Variants in CSMD1 observed in about 807,000 individuals in gnomAD.
The protein encoded by CSMD1 is CUB and sushi domain-containing protein 1.
Under a neutral mutation model 417.5 loss-of-function variants are expected in CSMD1, and 213 were observed. The ratio of observed to expected loss-of-function variants is 0.51; its 90% confidence interval spans 0.46 to 0.57. The LOEUF is 0.57. CSMD1 is among the 20% of genes least tolerant of loss of function. The pLI, the probability that CSMD1 is intolerant of heterozygous loss-of-function variation, is 0.00. For missense variants in CSMD1, 6,923 were observed against 4,529.7 expected, an observed-to-expected ratio of 1.53 and a Z score of -15.17; for synonymous variants, 2,862 against 1,736.8, an observed-to-expected ratio of 1.65 and a Z score of -16.11.
intron 3 of CSMD1, among the ~76,000 whole-genome samples, chr8:4,206,641 A>T (rs1303427871): frequency 6.6e-6 from 1 of 152,178 alleles, no homozygotes; most frequent in African/African-American, 2.4e-5. Context: ...GATGCAATAA[A>T]CGTATGTGTG....
At chr8:4,956,747 A>G (rs1809139359) in intron 1 of CSMD1, among the ~76,000 whole-genome samples, 1 of 152,170 alleles carries the variant, frequency 6.6e-6, no homozygotes, top group African/African-American at 2.4e-5. Flanking sequence ...AGAGGAAAAT[A>G]TTCCAGGGAA....
chr8:3,392,141 G>C (rs1292453463), intron 17 of CSMD1, among the ~76,000 whole-genome samples: 1 of 150,946 alleles, frequency 6.6e-6, no homozygotes, highest in Non-Finnish European at 1.5e-5. Flanking sequence ...AGCATTAGGA[G>C]ATATACCTAA....
chr8:3,185,876 C>T (rs541364712), intron 36 of CSMD1, among the ~76,000 whole-genome samples: 5 of 152,316 alleles, frequency 3.3e-5, no homozygotes, highest in East Asian at 3.9e-4. Context: ...AAATGAGCAA[C>T]ACAATTCAAT....
chr8:3,256,393 C>T (rs894402637), intron 26 of CSMD1, among the ~76,000 whole-genome samples: 1 of 151,802 alleles, frequency 6.6e-6, no homozygotes, highest in African/African-American at 2.4e-5. Flanking sequence ...AGTAGGCAGA[C>T]ACTGTGCCCC....
At chr8:4,203,605 T>C (rs1228532516) in intron 3 of CSMD1, among the ~76,000 whole-genome samples, 6 of 152,146 alleles carry the variant, frequency 3.9e-5, no homozygotes, top group East Asian at 1.9e-4. Context: ...AGAGCAGCTG[T>C]GGCACTCAAA....
At chr8:4,738,510 G>A (rs1399742220) in intron 1 of CSMD1, among the ~76,000 whole-genome samples, 1 of 152,046 alleles carries the variant, frequency 6.6e-6, no homozygotes, top group African/African-American at 2.4e-5. Context: ...TCACCTCCAT[G>A]ATTCAATGAC....
At chr8:3,848,069 TTCTCTCTCTC>T (rs111682595) in intron 5 of CSMD1, among the ~76,000 whole-genome samples, 6 of 133,352 alleles carry the variant, frequency 4.5e-5, no homozygotes, top group Non-Finnish European at 9.8e-5. Flanking sequence ...CTGGTGATAT[TTCTCTCTCTC>T]TCTCTCTCTC....
intron 1 of CSMD1, among the ~76,000 whole-genome samples, chr8:4,960,537 G>C (rs1028828592): frequency 6.6e-6 from 1 of 152,136 alleles, no homozygotes; most frequent in Non-Finnish European, 1.5e-5. Context: ...TTAAGCGCTT[G>C]TACATCTTAT....
chr8:4,388,898 C>G (rs545213500), intron 3 of CSMD1, among the ~76,000 whole-genome samples: 5 of 152,176 alleles, frequency 3.3e-5, no homozygotes, highest in Admixed American at 3.3e-4. Context: ...CATCTTCTCT[C>G]ATCCAGCTAT....
intron 22 of CSMD1, among the ~76,000 whole-genome samples, chr8:3,346,055 C>G (rs1807968942): frequency 6.6e-6 from 1 of 152,244 alleles, no homozygotes; most frequent in Non-Finnish European, 1.5e-5. Flanking sequence ...TCAATGTGAA[C>G]AGCATTAGGC....
At position 4,220,591 on chromosome 8, in the gene CSMD1, G is replaced by C. The variant is rs180785708; in HGVS notation, c.416-188492C>G. Among the ~76,000 whole-genome samples, 281 of 152,316 alleles carry C rather than the reference G, an allele frequency of 1.8e-3. 2 individuals are homozygous for C. Among genetic ancestry groups the C allele is most frequent in the African/African-American group, 6.5e-3 (270 of 41,568 alleles). On this transcript the variant is annotated intron_variant, in intron 3 of 69. Coordinates refer to ENST00000635120, the MANE Select transcript of CSMD1 (RefSeq NM_033225.6). Reference sequence around the variant, plus strand: ...AAATAATTGTGGCTTTTCCTAGAGTGATAAGGGTCCATGTGAGAGGAAGGA... The same window carrying C: ...AAATAATTGTGGCTTTTCCTAGAGTCATAAGGGTCCATGTGAGAGGAAGGA...
At chr8:3,900,378 T>C (rs576487520) in intron 5 of CSMD1, among the ~76,000 whole-genome samples, 1 of 151,112 alleles carries the variant, frequency 6.6e-6, no homozygotes, top group South Asian at 2.1e-4. Context: ...TGTGTGACAG[T>C]GCAGCTGGGT....
rs76756269 is a variant in CSMD1, at chr8:4,903,511, A to T, written c.85+90821T>A. ...ATGTTTTATGAGCTATGTTGTTTAAAACTGCAAAAAATACTGAAACAGGAG... is the reference window on the plus strand; with the variant it reads ...ATGTTTTATGAGCTATGTTGTTTAATACTGCAAAAAATACTGAAACAGGAG... On this transcript the variant is annotated intron_variant, in intron 1 of 69. Coordinates refer to ENST00000635120, the MANE Select transcript of CSMD1 (RefSeq NM_033225.6). 6.3e-3 allele frequency among the ~76,000 whole-genome samples: 956 copies of T among 152,348 alleles called. 11 individuals are homozygous for T. Among genetic ancestry groups the T allele is most frequent in the African/African-American group, 0.022 (908 of 41,584 alleles).
At chr8:3,926,082 T>TACACACACACACACACAC (rs58966907) in intron 5 of CSMD1, among the ~76,000 whole-genome samples, 1 of 103,920 alleles carries the variant, frequency 9.6e-6, no homozygotes, top group Non-Finnish European at 2.0e-5. Flanking sequence ...ACAAACACCA[T>TACACACACACACACACAC]ACACACACAC....
chr8:4,110,016 T>C (rs868390204), intron 3 of CSMD1, among the ~76,000 whole-genome samples: 5 of 152,216 alleles, frequency 3.3e-5, no homozygotes, highest in South Asian at 2.1e-4. Flanking sequence ...TTAACTAAAA[T>C]GATTAAGATA....
chr8:3,460,261 T>C (rs1424612141), intron 12 of CSMD1, among the ~76,000 whole-genome samples: 2 of 152,066 alleles, frequency 1.3e-5, no homozygotes, highest in African/African-American at 4.8e-5. Flanking sequence ...GAATGATCCT[T>C]GTTGGGGAGA....
rs561842503 is a variant in CSMD1 at position 3,559,506 on chromosome 8, C to T, written c.1344+15439G>A. Reference sequence around the variant, plus strand: ...TTAAAGGCACCGTGAAGAAGAAGAACGAGGAGGAGAAGGAAGAGGAAAAAT... The same window carrying T: ...TTAAAGGCACCGTGAAGAAGAAGAATGAGGAGGAGAAGGAAGAGGAAAAAT... On this transcript the variant is annotated intron_variant, in intron 10 of 69. Transcript: ENST00000635120. 1.2e-3 allele frequency among the ~76,000 whole-genome samples: 183 copies of T among 151,244 alleles called. 1 individual carries two copies. The highest frequency in any genetic ancestry group is 2.2e-3 in the Non-Finnish European group (147 of 67,948).
At chr8:3,684,186 TAATA>T (rs1423800051) in intron 7 of CSMD1, among the ~76,000 whole-genome samples, 1 of 95,200 alleles carries the variant, frequency 1.1e-5, no homozygotes, top group Non-Finnish European at 2.0e-5. Flanking sequence ...ATGTTACATG[TAATA>T]TATATAACAT....
chr8:3,135,786 A>C (rs536793018), intron 41 of CSMD1, among the ~76,000 whole-genome samples: 2 of 152,364 alleles, frequency 1.3e-5, no homozygotes, highest in African/African-American at 4.8e-5. Flanking sequence ...GGACTTAGAC[A>C]CAAGCTGGCC....
Sources: allele counts gnomAD v4.1 joint callset (sites outside exome capture counted in the v4.1 genomes callset), GRCh38; gene constraint gnomAD v4.1.1; transcripts MANE v1.5; gene names NCBI Gene and HGNC (gene_info 2026-07-23, HGNC 2026-07-21).